The following LMBR1 variants were observed in gnomAD, a reference collection of about 807,000 sequenced individuals.
The protein encoded by LMBR1 is limb development membrane protein 1.
A neutral mutation model predicts 73.9 loss-of-function variants in LMBR1; 52 were observed. That is an observed-to-expected ratio of 0.70 (90% confidence interval 0.56 to 0.89). The LOEUF is 0.89. Ranked by LOEUF, LMBR1 falls within the 40% of genes least tolerant of loss-of-function variation. The probability of loss-of-function intolerance (pLI) is 0.00; values close to 1 mark genes in which losing one functional copy is unlikely to be tolerated. For missense variants in LMBR1, 539 were observed against 579.8 expected (o/e 0.93, Z 0.72); for synonymous variants, 215 against 209.4 (o/e 1.03, Z -0.23).
intron 9 of LMBR1, among the ~76,000 whole-genome samples, chr7:156,753,313 G>A (rs1354761566): frequency 6.6e-6 from 1 of 151,982 alleles, no homozygotes; most frequent in Non-Finnish European, 1.5e-5. Context: ...CCTGGGAGGT[G>A]AGCAAATGAC....
At chr7:156,803,888 C>G (rs62492664) in intron 4 of LMBR1, among the ~76,000 whole-genome samples, 1 of 149,750 alleles carries the variant, frequency 6.7e-6, no homozygotes, top group African/African-American at 2.5e-5. Context: ...CAAACTATCG[C>G]AAGGACAAAA....
intron 1 of LMBR1, among the ~76,000 whole-genome samples, chr7:156,847,904 C>T (rs576106836): frequency 1.3e-5 from 2 of 152,220 alleles, no homozygotes; most frequent in East Asian, 1.9e-4. Context: ...TCAGCAATCC[C>T]GTTAGATTTG....
chr7:156,824,299 C>G (rs1306559928), intron 4 of LMBR1, among the ~76,000 whole-genome samples: 1 of 152,132 alleles, frequency 6.6e-6, no homozygotes, highest in Admixed American at 6.5e-5. Flanking sequence ...ACAGTCTCAG[C>G]AGAAGCTTAC....
intron 5 of LMBR1, among the ~76,000 whole-genome samples, chr7:156,765,575 A>G (rs1823929228): frequency 6.6e-6 from 1 of 152,108 alleles, no homozygotes; most frequent in Non-Finnish European, 1.5e-5. Context: ...CACCTTTAAC[A>G]ATGACTTCTC....
intron 1 of LMBR1, among the ~76,000 whole-genome samples, chr7:156,845,512 T>G (rs1279688051): frequency 6.6e-6 from 1 of 152,056 alleles, no homozygotes; most frequent in Non-Finnish European, 1.5e-5. Flanking sequence ...AAATCAATAA[T>G]AGTAAACGGG....
intron 3 of LMBR1, among the ~76,000 whole-genome samples, chr7:156,830,600 T>C (rs1397878517): frequency 6.6e-6 from 1 of 152,238 alleles, no homozygotes; most frequent in East Asian, 1.9e-4. Context: ...AGTAACAAAT[T>C]GAGTGACATT....
chr7:156,745,019 G>A (rs949955026), intron 9 of LMBR1, among the ~76,000 whole-genome samples: 1 of 152,082 alleles, frequency 6.6e-6, no homozygotes, highest in African/African-American at 2.4e-5. Context: ...ACATAATCCA[G>A]AATAATCTCA....
chr7:156,788,670 A>G (rs1475412873), intron 5 of LMBR1, among the ~76,000 whole-genome samples: 2 of 152,164 alleles, frequency 1.3e-5, no homozygotes, highest in African/African-American at 4.8e-5. Flanking sequence ...TTTTTATTTA[A>G]AAAAATAAGA....
chr7:156,837,715 A>AT (rs1163026065), intron 1 of LMBR1, among the ~76,000 whole-genome samples: 3 of 152,128 alleles, frequency 2.0e-5, no homozygotes, highest in Admixed American at 6.5e-5. Context: ...GATATACCCC[A>AT]TATCAAAATA....
At chr7:156,752,612 G>C (rs964506630) in intron 9 of LMBR1, among the ~76,000 whole-genome samples, 2 of 152,174 alleles carry the variant, frequency 1.3e-5, no homozygotes, top group African/African-American at 4.8e-5. Flanking sequence ...GAAGGAAAAA[G>C]CTTGTGAAAA....
chr7:156,769,594 T>C (rs945324282), intron 5 of LMBR1, among the ~76,000 whole-genome samples: 3 of 152,120 alleles, frequency 2.0e-5, no homozygotes, highest in African/African-American at 7.2e-5. Flanking sequence ...CCTTACAAAT[T>C]AATAAGTTAG....
chr7:156,883,749 C>T (rs977139786), intron 1 of LMBR1, among the ~76,000 whole-genome samples: 2 of 152,190 alleles, frequency 1.3e-5, no homozygotes, highest in Admixed American at 1.3e-4. Context: ...ATGGTCCCTC[C>T]TCCTTCCTCA....
chr7:156,790,890 G>C (rs1829098506), intron 5 of LMBR1, among the ~76,000 whole-genome samples: 1 of 152,060 alleles, frequency 6.6e-6, no homozygotes, highest in Non-Finnish European at 1.5e-5. Context: ...ACTTTACATG[G>C]TTATAACCAC....
chr7:156,777,972 G>A (rs1197856895), intron 5 of LMBR1, among the ~76,000 whole-genome samples: 6 of 152,100 alleles, frequency 3.9e-5, no homozygotes, highest in Admixed American at 3.9e-4. Flanking sequence ...TGATTCTACT[G>A]TGTAATTACA....
intron 4 of LMBR1, 132 bp from the exon 5 acceptor site, chr7:156,796,624 A>T (rs1263371628): frequency 2.0e-6 from 1 of 489,114 alleles, no homozygotes; most frequent in Non-Finnish European, 3.5e-6. Flanking sequence ...GAAATCATAA[A>T]ATAATTATAG....
At chr7:156,795,264 G>C (rs1409683641) in intron 5 of LMBR1, among the ~76,000 whole-genome samples, 3 of 152,022 alleles carry the variant, frequency 2.0e-5, no homozygotes, top group East Asian at 1.9e-4. Context: ...TTCCTTTCAG[G>C]GTTTCCCATA....
At chr7:156,761,552 T>C (rs1822993352) in intron 8 of LMBR1, among the ~76,000 whole-genome samples, 1 of 152,198 alleles carries the variant, frequency 6.6e-6, no homozygotes, top group Admixed American at 6.5e-5. Flanking sequence ...AAAATACCTG[T>C]AAATATTTGT....
At chr7:156,808,292 C>A (rs1159169310) in intron 4 of LMBR1, among the ~76,000 whole-genome samples, 1 of 152,098 alleles carries the variant, frequency 6.6e-6, no homozygotes, top group Non-Finnish European at 1.5e-5. Flanking sequence ...CAGATATATG[C>A]TAAGTATCAT....
intron 15 of LMBR1, among the ~76,000 whole-genome samples, chr7:156,707,385 A>G (rs1811191851): frequency 6.6e-6 from 1 of 152,200 alleles, no homozygotes. Context: ...AAGTCATTCT[A>G]TGAGGCCCAA....
Sources: gnomAD v4.1 joint callset for allele counts (sites outside exome capture counted in the v4.1 genomes callset) on GRCh38, gnomAD v4.1.1 for gene constraint, MANE v1.5 for transcripts, NCBI Gene and HGNC (gene_info 2026-07-23, HGNC 2026-07-21) for gene names.